The following DEPDC5 variants were observed in gnomAD, a reference collection of about 807,000 sequenced individuals.
DEPDC5 encodes DEP domain containing 5, GATOR1 subcomplex subunit.
Under a neutral mutation model 217.3 loss-of-function variants are expected in DEPDC5, and 73 were observed. The observed-to-expected ratio is 0.34, with a 90% CI of 0.28 to 0.41. The LOEUF (loss-of-function observed/expected upper bound fraction) is 0.41. DEPDC5 is among the 10% of genes least tolerant of loss of function. DEPDC5 has a pLI of 1.00. For missense variants in DEPDC5, 1,675 were observed against 2,070.1 expected (o/e 0.81, Z 3.70); for synonymous variants, 733 against 756.7 (o/e 0.97, Z 0.51).
intron 38 of DEPDC5, among the ~76,000 whole-genome samples, chr22:31,884,663 G>C (rs2093262944): frequency 6.6e-6 from 1 of 152,070 alleles, no homozygotes; most frequent in East Asian, 1.9e-4. Flanking sequence ...TGTCTCATCA[G>C]TCCAGTGGCC....
chr22:31,798,786 C>T, intron 14 of DEPDC5, 130 bp downstream of exon 14: 1 of 797,558 alleles, frequency 1.3e-6, no homozygotes, highest in Non-Finnish European at 1.9e-6. Context: ...AGGACCAGTC[C>T]ACAGAATAAA....
Position 31,887,184 on chromosome 22 carries a change from C to T in DEPDC5, c.4034-6398C>T, listed in dbSNP as rs555166921. Among the ~76,000 whole-genome samples the T allele has an allele frequency of 3.3e-5, 5 of 151,666 alleles. No homozygotes were observed. The East Asian group carries it at 7.8e-4, about 24-fold the overall frequency. ...CTGTAATCCCAGCACTTTGAGAGGC[C>T]GAGGTGGGTGGATCACCTAAGGTCA... is the stretch of plus-strand genomic sequence containing the variant. On this transcript the variant is annotated intron_variant, in intron 38 of 42. Transcript: ENST00000651528.
intron 36 of DEPDC5, among the ~76,000 whole-genome samples, chr22:31,874,682 T>G (rs1161153613): frequency 6.6e-6 from 1 of 152,164 alleles, no homozygotes; most frequent in African/African-American, 2.4e-5. Context: ...ATCTCTATGA[T>G]TTTTGGGGGA....
In DEPDC5 at chr22:31,806,770, C is replaced by T. The variant is rs946777475; in HGVS notation, c.1287+579C>T. Reference sequence around the variant, plus strand: ...CCTGTAACCCCAGTGCTTTGGGTGGCTGAGGAAGGAGGATTGTTTGAAGCC... The same window carrying T: ...CCTGTAACCCCAGTGCTTTGGGTGGTTGAGGAAGGAGGATTGTTTGAAGCC... On this transcript the variant is annotated intron_variant, in intron 18 of 42. Transcript: ENST00000651528. 4.5e-4 allele frequency among the ~76,000 whole-genome samples: 68 copies of T among 152,150 alleles called. 2 individuals are homozygous for T. The highest frequency in any genetic ancestry group is 4.5e-3 in the Admixed American group (68 of 15,268).
chr22:31,872,216 G>A (rs2092864547), intron 34 of DEPDC5, among the ~76,000 whole-genome samples: 1 of 152,246 alleles, frequency 6.6e-6, no homozygotes, highest in African/African-American at 2.4e-5. Context: ...GAGCAAGAAT[G>A]TGGGCAGCAG....
chr22:31,804,269 G>C (rs761064996), intron 16 of DEPDC5, 46 bp downstream of exon 16: 160 of 1,595,870 alleles, frequency 1.0e-4, no homozygotes, highest in Non-Finnish European at 1.3e-4. Context: ...TTGGAGTATA[G>C]TTAGAAAGAG....
intron 20 of DEPDC5, among the ~76,000 whole-genome samples, chr22:31,812,420 CTTTTTTTTTT>C (rs57618137): frequency 2.0e-5 from 2 of 98,282 alleles, no homozygotes; most frequent in South Asian, 7.1e-4. Context: ...TTCCATATTT[CTTTTTTTTTT>C]TTTTTTTTTT....
intron 23 of DEPDC5, 121 bp from the exon 24 acceptor site, chr22:31,822,572 G>A (rs1336913542): frequency 2.2e-6 from 2 of 892,894 alleles, no homozygotes; most frequent in Non-Finnish European, 3.5e-6. Context: ...GCCAGCTTGA[G>A]TTGGCTGAAT....
intron 33 of DEPDC5, among the ~76,000 whole-genome samples, chr22:31,867,944 A>G (rs574924087): frequency 1.3e-5 from 2 of 152,320 alleles, no homozygotes; most frequent in South Asian, 2.1e-4. Flanking sequence ...TCTTATATGC[A>G]TAAGAGCTGG....
rs941078167 is a variant in DEPDC5 at position 31,870,639 on chromosome 22, G to T, written c.3380G>T (p.Gly1127Val). ...CCTATGTTGGACGGCACCAGTTTGG[G>T]CATATGCACAGGCCAATCCATGGAC... Reference protein sequence around the residue: ...ATPMLDGTSLGICTGQSMDRG... With the variant: ...ATPMLDGTSLVICTGQSMDRG... Residue 1127 changes from glycine to valine, a missense_variant, in exon 34 of 43, where the codon GGC (glycine) becomes GTC (valine). By Grantham distance (109) the Gly-to-Val change is moderately radical. Coordinates refer to ENST00000651528, the MANE Select transcript of DEPDC5 (RefSeq NM_001242896.3). 13 of 1,599,236 alleles carry T rather than the reference G, an allele frequency of 8.1e-6. No homozygotes were observed. The highest frequency in any genetic ancestry group is 1.1e-5 in the Non-Finnish European group (13 of 1,173,900).
chr22:31,864,853 TA>T lies in DEPDC5; in HGVS notation c.3330+3421del, dbSNP rs201588150. Among the ~76,000 whole-genome samples the T allele has an allele frequency of 1.4e-4, 22 of 152,132 alleles. 1 individual carries two copies. The highest frequency in any genetic ancestry group is 7.7e-4 in the East Asian group (4 of 5,168). On this transcript the variant is annotated intron_variant, in intron 33 of 42. Transcript: ENST00000651528. ...ACAGGCATCTGCCACCACAGCCAGA[TA>T]TTTTTTTTGTATTTTTAGTAGAGAT...
intron 12 of DEPDC5, among the ~76,000 whole-genome samples, chr22:31,793,447 A>T (rs765742494): frequency 4.0e-5 from 6 of 151,790 alleles, no homozygotes; most frequent in Non-Finnish European, 7.4e-5. Flanking sequence ...TATTTGATTC[A>T]TCTGTTTTTT....
intron 21 of DEPDC5, chr22:31,817,147 TC>T: frequency 6.4e-6 from 1 of 157,058 alleles, no homozygotes; most frequent in Non-Finnish European, 1.4e-5. Flanking sequence ...TTCACTCTTG[TC>T]CCCCAGGCTG....
At chr22:31,822,546 A>G (rs778292967) in intron 23 of DEPDC5, 147 bp from the exon 24 acceptor site, 6 of 690,376 alleles carry the variant, frequency 8.7e-6, no homozygotes, top group Non-Finnish European at 1.5e-5. Flanking sequence ...GGCTTAAGAT[A>G]AGGATTCCAG....
chr22:31,863,228 T>A (rs1306080578), intron 33 of DEPDC5, among the ~76,000 whole-genome samples: 1 of 152,156 alleles, frequency 6.6e-6, no homozygotes, highest in East Asian at 1.9e-4. Flanking sequence ...GTGCAGTGGT[T>A]CAATGTCAGC....
At chr22:31,779,305 G>A (rs1489125803) in intron 8 of DEPDC5, among the ~76,000 whole-genome samples, 23 of 152,338 alleles carry the variant, frequency 1.5e-4, no homozygotes. Context: ...TTGTGCGTGT[G>A]TGTATACACA....
At chr22:31,780,335 G>A (rs999421392) in intron 8 of DEPDC5, among the ~76,000 whole-genome samples, 60 of 152,132 alleles carry the variant, frequency 3.9e-4, no homozygotes, top group African/African-American at 1.3e-3. Flanking sequence ...GGTAGATGGT[G>A]GTGCCATTTA....
rs1678877277 is a variant in DEPDC5 at position 31,822,994 on chromosome 22, G to A, written c.2104+204G>A. ...TAACATTTTTAGCTCAGAACATGTT[G>A]GTCAAGCCACATTTATCATCATTCT... On this transcript the variant is annotated intron_variant, in intron 24 of 42. Coordinates refer to ENST00000651528, the MANE Select transcript of DEPDC5 (RefSeq NM_001242896.3). The A allele has an allele frequency of 2.8e-5, 15 of 530,088 alleles. No individual in the cohort carries two copies. The South Asian group carries it at 3.0e-4, about 11-fold the overall frequency. The allele number at this position is 530,088 out of a possible 1,614,324, so 32.8% of individuals were successfully genotyped here. A position where few individuals can be genotyped will look rare whatever the true frequency, so the allele number is the denominator to read the frequency against.
chr22:31,879,505 C>G lies in DEPDC5; in HGVS notation c.3806-20C>G, dbSNP rs760307033. On this transcript the variant is annotated intron_variant, in intron 37 of 42. Coordinates refer to ENST00000651528, the MANE Select transcript of DEPDC5 (RefSeq NM_001242896.3). ...AGCATTTGTGTTGAGTACTCCTTCT[C>G]TCCCCTCCACTTTTCCCAGTGGCCA... is the stretch of plus-strand genomic sequence containing the variant. 4 of 1,603,140 alleles carry G rather than the reference C, an allele frequency of 2.5e-6. No individual in the cohort carries two copies. In the East Asian group the frequency reaches 8.9e-5, roughly 36 times the overall value.
Sources: gnomAD v4.1 joint callset for allele counts (sites outside exome capture counted in the v4.1 genomes callset) on GRCh38, gnomAD v4.1.1 for gene constraint, MANE v1.5 for transcripts, NCBI Gene and HGNC (gene_info 2026-07-23, HGNC 2026-07-21) for gene names.